GALNTL6: variants seen among roughly 807,000 people sequenced by gnomAD.
GALNTL6 encodes polypeptide N-acetylgalactosaminyltransferase-like 6.
A neutral mutation model predicts 73.7 loss-of-function variants in GALNTL6; 46 were observed. The observed-to-expected ratio is 0.62, with a 90% CI of 0.49 to 0.80. The LOEUF is 0.80. GALNTL6 is among the 30% of genes least tolerant of loss of function. The pLI is 0.00. For missense variants in GALNTL6, 604 were observed against 755.0 expected (o/e 0.80, Z 2.34); for synonymous variants, 259 against 263.7 (o/e 0.98, Z 0.17).
At chr4:172,846,834 A>G (rs1429525847) in intron 7 of GALNTL6, among the ~76,000 whole-genome samples, 1 of 152,230 alleles carries the variant, frequency 6.6e-6, no homozygotes, top group Non-Finnish European at 1.5e-5. Flanking sequence ...TCTCAAATAT[A>G]ATTCTGACTA....
intron 5 of GALNTL6, among the ~76,000 whole-genome samples, chr4:172,360,388 T>C (rs78683105): frequency 2.6e-5 from 4 of 152,192 alleles, no homozygotes; most frequent in Non-Finnish European, 5.9e-5. Flanking sequence ...ATTTTAGTCA[T>C]ATGTACCTAG....
chr4:172,666,224 A>T (rs562715027), intron 5 of GALNTL6, among the ~76,000 whole-genome samples: 60 of 152,202 alleles, frequency 3.9e-4, no homozygotes, highest in East Asian at 9.6e-4. Context: ...TCAAAAAAAA[A>T]TTTTTCAGAA....
chr4:172,053,102 T>A (rs1254046641), intron 2 of GALNTL6, among the ~76,000 whole-genome samples: 1 of 152,158 alleles, frequency 6.6e-6, no homozygotes, highest in Non-Finnish European at 1.5e-5. Flanking sequence ...CAACTAAGGC[T>A]GATTTTAAGA....
chr4:172,546,112 A>G (rs1450452882), intron 5 of GALNTL6, among the ~76,000 whole-genome samples: 6 of 152,172 alleles, frequency 3.9e-5, no homozygotes, highest in Admixed American at 6.5e-5. Context: ...GGAAAGAGGT[A>G]TAGTCTGCAT....
chr4:172,896,270 G>T (rs1382793069), intron 8 of GALNTL6, among the ~76,000 whole-genome samples: 1 of 152,148 alleles, frequency 6.6e-6, no homozygotes, highest in Non-Finnish European at 1.5e-5. Context: ...CATTTTCCAA[G>T]GGCTTTTCAG....
chr4:172,489,275 G>GAC (rs926919184), intron 5 of GALNTL6, among the ~76,000 whole-genome samples: 5 of 152,042 alleles, frequency 3.3e-5, no homozygotes, highest in Middle Eastern at 3.4e-3. Context: ...CACGCACGCA[G>GAC]ACACACACAC....
intron 2 of GALNTL6, among the ~76,000 whole-genome samples, chr4:171,888,504 T>G (rs750371917): frequency 3.3e-5 from 5 of 151,924 alleles, no homozygotes; most frequent in African/African-American, 7.3e-5. Context: ...AGTTAGACTC[T>G]TTTTGGGAAT....
intron 10 of GALNTL6, among the ~76,000 whole-genome samples, chr4:172,994,667 G>A (rs1047843016): frequency 2.6e-5 from 4 of 152,130 alleles, no homozygotes; most frequent in African/African-American, 4.8e-5. Context: ...AACCCAGACC[G>A]TGAATTATTT....
chr4:172,778,490 A>T (rs1380665005), intron 5 of GALNTL6, among the ~76,000 whole-genome samples: 2 of 151,830 alleles, frequency 1.3e-5, no homozygotes, highest in Admixed American at 1.3e-4. Context: ...GTTTGCATTT[A>T]GAAGAGGTGA....
At chr4:172,968,469 G>A (rs979425929) in intron 10 of GALNTL6, among the ~76,000 whole-genome samples, 9 of 152,090 alleles carry the variant, frequency 5.9e-5, no homozygotes, top group African/African-American at 9.7e-5. Flanking sequence ...ACACTCCAAA[G>A]TACTACCTTC....
chr4:173,033,967 C>G (rs1753577885), intron 12 of GALNTL6, among the ~76,000 whole-genome samples: 1 of 152,188 alleles, frequency 6.6e-6, no homozygotes, highest in African/African-American at 2.4e-5. Flanking sequence ...ACTTTGATGT[C>G]TCGTAAGCAT....
At position 172,802,270 on chromosome 4, in the gene GALNTL6, A is replaced by G. The variant is rs374594180; in HGVS notation, c.554-7091A>G. On this transcript the variant is annotated intron_variant, in intron 5 of 12. Coordinates refer to ENST00000506823, the MANE Select transcript of GALNTL6 (RefSeq NM_001034845.3). ...GGTTAGGTTAAATATTAAAGCTGAA[A>G]GAGCCAGTGCTTTTATACAAAGGCT... Among the ~76,000 whole-genome samples, 3 of 152,362 alleles carry G rather than the reference A, an allele frequency of 2.0e-5. No individual in the cohort carries two copies. The East Asian group carries it at 5.8e-4, about 29-fold the overall frequency.
intron 5 of GALNTL6, among the ~76,000 whole-genome samples, chr4:172,714,161 A>G (rs1441675466): frequency 1.3e-5 from 2 of 152,194 alleles, no homozygotes; most frequent in Non-Finnish European, 2.9e-5. Flanking sequence ...TTTTTGTTCT[A>G]AACTATAAGT....
chr4:172,230,167 C>T (rs546894568), intron 3 of GALNTL6, among the ~76,000 whole-genome samples: 2 of 152,162 alleles, frequency 1.3e-5, no homozygotes, highest in Admixed American at 1.3e-4. Flanking sequence ...TGTTTCTAGA[C>T]ACTGGCGGGA....
At chr4:172,671,502 AT>A (rs1401695085) in intron 5 of GALNTL6, among the ~76,000 whole-genome samples, 1 of 152,094 alleles carries the variant, frequency 6.6e-6, no homozygotes, top group African/African-American at 2.4e-5. Context: ...ATTTTTGCAT[AT>A]TGATTTTGTA....
intron 2 of GALNTL6, among the ~76,000 whole-genome samples, chr4:172,134,729 C>G (rs931968758): frequency 9.2e-5 from 14 of 152,154 alleles, no homozygotes; most frequent in Non-Finnish European, 2.9e-5. Flanking sequence ...TAACAAATAG[C>G]TACCATATTT....
At chr4:171,852,806 TAAGTCAA>T (rs760268282) in intron 2 of GALNTL6, among the ~76,000 whole-genome samples, 36 of 150,734 alleles carry the variant, frequency 2.4e-4, no homozygotes, top group Admixed American at 6.6e-4. Flanking sequence ...AAGAAAAAGA[TAAGTCAA>T]GTCACTTCCG....
At chr4:172,304,931 A>G (rs984054526) in intron 3 of GALNTL6, among the ~76,000 whole-genome samples, 2 of 152,200 alleles carry the variant, frequency 1.3e-5, no homozygotes, top group African/African-American at 4.8e-5. Flanking sequence ...GGTTATACAA[A>G]GTTCATTAGT....
intron 2 of GALNTL6, among the ~76,000 whole-genome samples, chr4:171,974,457 T>G (rs367654729): frequency 6.6e-6 from 1 of 152,192 alleles, no homozygotes; most frequent in African/African-American, 2.4e-5. Context: ...GTCACATTTA[T>G]CCTGATTCTT....
Sources: gnomAD v4.1 joint callset for allele counts (sites outside exome capture counted in the v4.1 genomes callset) on GRCh38, gnomAD v4.1.1 for gene constraint, MANE v1.5 for transcripts, NCBI Gene and HGNC (gene_info 2026-07-23, HGNC 2026-07-21) for gene names.